Variants in KCNN2 observed in about 807,000 individuals in gnomAD.
KCNN2 encodes small conductance calcium-activated potassium channel protein 2.
Under a neutral mutation model 55.5 loss-of-function variants are expected in KCNN2, and 24 were observed. The observed-to-expected ratio is 0.43, with a 90% CI of 0.31 to 0.61. The LOEUF is 0.61. Among genes scored for constraint, KCNN2 ranks in the 20% least tolerant of loss-of-function variants. The pLI, the probability that KCNN2 is intolerant of heterozygous loss-of-function variation, is 0.08. For synonymous variants in KCNN2, 431 were observed against 336.1 expected (o/e 1.28, Z -3.09); for missense variants, 754 against 853.6 (o/e 0.88, Z 1.45).
rs570476422 is a variant in KCNN2, at chr5:114,065,603, G to A, written c.-271+9103G>A. Among the ~76,000 whole-genome samples the A allele has an allele frequency of 3.9e-5, 6 of 152,214 alleles. No homozygotes were observed. In the South Asian group the frequency reaches 1.0e-3, roughly 26 times the overall value. The stretch of plus-strand genomic sequence containing the variant: ...ATAAATGCAATATTAGTCTTGACTG[G>A]TCTTTTCCCTTCTGATAATCACACC... On this transcript the variant is annotated intron_variant, in intron 1 of 10. Coordinates refer to the KCNN2 transcript ENST00000512097.
chr5:114,368,021 G>A (rs1757653826), intron 2 of KCNN2, among the ~76,000 whole-genome samples: 1 of 152,070 alleles, frequency 6.6e-6, no homozygotes, highest in South Asian at 2.1e-4. Context: ...GAACAACATG[G>A]GTGAACTGTG....
intron 4 of KCNN2, among the ~76,000 whole-genome samples, chr5:114,468,996 T>G (rs1761580670): frequency 6.6e-6 from 1 of 152,162 alleles, no homozygotes; most frequent in South Asian, 2.1e-4. Flanking sequence ...CTGAACTTCT[T>G]TTACATCCAA....
intron 2 of KCNN2, among the ~76,000 whole-genome samples, chr5:114,261,333 A>C (rs1755104597): frequency 6.6e-6 from 1 of 152,138 alleles, no homozygotes; most frequent in Non-Finnish European, 1.5e-5. Context: ...CATCCAGCAA[A>C]CCCACAGCCC....
intron 3 of KCNN2, among the ~76,000 whole-genome samples, chr5:114,453,243 G>A (rs1025715410): frequency 3.0e-4 from 45 of 152,296 alleles, no homozygotes; most frequent in Non-Finnish European, 4.7e-4. Flanking sequence ...AGGAAAGAGA[G>A]GGCCTGATCT....
intron 2 of KCNN2, among the ~76,000 whole-genome samples, chr5:114,307,095 A>G (rs190599758): frequency 4.6e-5 from 7 of 152,246 alleles, no homozygotes; most frequent in South Asian, 2.1e-4. Context: ...TCTATATATT[A>G]TCTTTGACCC....
intron 2 of KCNN2, among the ~76,000 whole-genome samples, chr5:114,351,996 G>A (rs774549353): frequency 6.6e-6 from 1 of 151,650 alleles, no homozygotes; most frequent in Non-Finnish European, 1.5e-5. Flanking sequence ...AAAGGTTTGT[G>A]AAAAATTGCT....
chr5:114,350,114 A>G (rs923164764), intron 2 of KCNN2, among the ~76,000 whole-genome samples: 4 of 151,828 alleles, frequency 2.6e-5, no homozygotes, highest in Non-Finnish European at 5.9e-5. Flanking sequence ...ATTTTTTTAA[A>G]TTATTTTTAT....
chr5:114,472,341 G>T (rs2072027578), intron 4 of KCNN2, among the ~76,000 whole-genome samples: 1 of 152,232 alleles, frequency 6.6e-6, no homozygotes, highest in Non-Finnish European at 1.5e-5. Flanking sequence ...TCTTTTTCAA[G>T]AGATCAGAAC....
intron 1 of KCNN2, among the ~76,000 whole-genome samples, chr5:114,164,108 A>G (rs1752857117): frequency 6.6e-6 from 1 of 152,206 alleles, no homozygotes; most frequent in South Asian, 2.1e-4. Flanking sequence ...AGGATTACAA[A>G]AGTATTCAAA....
At chr5:114,461,773 T>C (rs558312447) in intron 3 of KCNN2, among the ~76,000 whole-genome samples, 2 of 149,066 alleles carry the variant, frequency 1.3e-5, no homozygotes, top group African/African-American at 4.9e-5. Flanking sequence ...CCAGTGTAGG[T>C]TGCATATAGG....
rs370867977 is a variant in KCNN2, at chr5:114,181,938, C to T, written c.-270-39542C>T. 3.2e-3 allele frequency among the ~76,000 whole-genome samples: 492 copies of T among 152,112 alleles called. 1 individual carries two copies. Among genetic ancestry groups the T allele is most frequent in the African/African-American group, 9.3e-3 (384 of 41,488 alleles). On this transcript the variant is annotated intron_variant, in intron 1 of 10. Transcript: ENST00000512097. The stretch of plus-strand genomic sequence containing the variant: ...CCAAGGCAGGAGGGTCACTTGAACC[C>T]GGGAGGTGGAGATTGCAGTGAGCAG...
intron 2 of KCNN2, among the ~76,000 whole-genome samples, chr5:114,338,049 C>T (rs1290186204): frequency 6.6e-6 from 1 of 152,130 alleles, no homozygotes; most frequent in Non-Finnish European, 1.5e-5. Flanking sequence ...CAAAATCAAC[C>T]AGCTATGCAC....
chr5:114,363,947 C>G lies in KCNN2; in HGVS notation c.1164C>G (p.Leu388=), dbSNP rs1757528038. The part of the protein sequence containing the change: ...YSLALKCLIS[L]STIILLGLII... ...TAGCTCTGAAATGCCTTATCAGTCT[C>G]TCCACGATCATCCTGCTCGGTCTGA... The change falls in exon 2 of 8, where the codon CTC becomes CTG. Residue 388 remains leucine (L), a synonymous_variant. Transcript: ENST00000673685. The G allele has an allele frequency of 6.2e-7, 1 of 1,613,990 alleles. No individual in the cohort carries two copies.
chr5:114,368,566 C>G (rs774804133), intron 2 of KCNN2, among the ~76,000 whole-genome samples: 3 of 152,118 alleles, frequency 2.0e-5, no homozygotes, highest in Non-Finnish European at 1.5e-5. Context: ...ACAGAGTGTT[C>G]CCTTTGCTAC....
chr5:114,455,365 C>G (rs189381541), intron 3 of KCNN2, among the ~76,000 whole-genome samples: 42 of 152,240 alleles, frequency 2.8e-4, no homozygotes, highest in African/African-American at 8.7e-4. Context: ...TTCTATTTAT[C>G]TTGGGGTTCC....
intron 2 of KCNN2, among the ~76,000 whole-genome samples, chr5:114,328,456 G>A (rs1189387851): frequency 6.6e-6 from 1 of 152,008 alleles, no homozygotes; most frequent in African/African-American, 2.4e-5. Flanking sequence ...TACCTTCCTA[G>A]GATGCTTTGC....
chr5:114,343,318 T>C (rs1236894259), intron 2 of KCNN2, among the ~76,000 whole-genome samples: 2 of 152,172 alleles, frequency 1.3e-5, no homozygotes, highest in African/African-American at 4.8e-5. Context: ...GAGAGTGCTA[T>C]ATAACTGAGT....
chr5:114,262,744 A>G (rs933910041), intron 2 of KCNN2, among the ~76,000 whole-genome samples: 5 of 152,184 alleles, frequency 3.3e-5, no homozygotes, highest in African/African-American at 1.2e-4. Context: ...TACCTTCAGT[A>G]GATAGGATGC....
chr5:114,261,530 G>C (rs1408983465), intron 2 of KCNN2, among the ~76,000 whole-genome samples: 1 of 152,236 alleles, frequency 6.6e-6, no homozygotes, highest in Middle Eastern at 3.4e-3. Context: ...AAAGGCAGAG[G>C]GCCAGAACCT....
Sources: gnomAD v4.1 joint callset for allele counts (sites outside exome capture counted in the v4.1 genomes callset) on GRCh38, gnomAD v4.1.1 for gene constraint, MANE v1.5 for transcripts, NCBI Gene and HGNC (gene_info 2026-07-23, HGNC 2026-07-21) for gene names.